Variants in ARHGAP27 observed in about 807,000 individuals in gnomAD.
ARHGAP27 encodes Rho GTPase activating protein 27.
In ARHGAP27, 53 loss-of-function variants were observed where a neutral mutation model predicts 102.0. The ratio of observed to expected loss-of-function variants is 0.52; its 90% CI spans 0.42 to 0.65. ARHGAP27 has a LOEUF of 0.65. Ranked by LOEUF, ARHGAP27 falls within the 30% of genes least tolerant of loss-of-function variation. The pLI, the probability that ARHGAP27 is intolerant of heterozygous loss-of-function variation, is 0.00. For synonymous variants in ARHGAP27, 525 were observed against 542.8 expected, an observed-to-expected ratio of 0.97 and a Z score of 0.46; for missense variants, 1,117 against 1,256.2, an observed-to-expected ratio of 0.89 and a Z score of 1.68.
chr17:45,432,218 G>A lies in ARHGAP27; in HGVS notation c.-153C>T, dbSNP rs1346321204. The A allele has an allele frequency of 6.2e-6, 1 of 160,630 alleles. No individual in the cohort carries two copies. Among genetic ancestry groups the A allele is most frequent in the Non-Finnish European group, 1.4e-5 (1 of 71,012 alleles). 10.0% of individuals were successfully genotyped at this position (160,630 alleles called of 1,614,324 possible). A position where few individuals can be genotyped will look rare whatever the true frequency, so the allele number is the denominator to read the frequency against. On this transcript the variant is annotated splice_region_variant and 5_prime_UTR_variant, in exon 2 of 20. Transcript: ENST00000685559. ...TCCGGGCCCACCTCTTCCCTCACCAGGGCCTTTCCCGGAGCAGCCCGGCCG... is the reference window on the plus strand; with the variant it reads ...TCCGGGCCCACCTCTTCCCTCACCAAGGCCTTTCCCGGAGCAGCCCGGCCG...
rs2144085447 is a variant in ARHGAP27, at chr17:45,395,131, A to C, written c.*325T>G. The C allele has an allele frequency of 2.5e-6, 1 of 404,544 alleles. No individual in the cohort carries two copies. Among genetic ancestry groups the C allele is most frequent in the South Asian group, 3.1e-5 (1 of 32,482 alleles). The allele number at this position is 404,544 out of a possible 1,614,324, so 25.1% of individuals were successfully genotyped here. On this transcript the variant is annotated 3_prime_UTR_variant, in exon 20 of 20. Coordinates refer to ENST00000685559, the MANE Select transcript of ARHGAP27 (RefSeq NM_001282290.2). ...CAAACTCCTCCTCCCAGCACCTACC[A>C]TTCCAGAAAACAAACTCTCACCCCC... is the stretch of plus-strand genomic sequence containing the variant.
At chr17:45,413,455 C>T (rs1489537872) in intron 4 of ARHGAP27, among the ~76,000 whole-genome samples, 1 of 152,130 alleles carries the variant, frequency 6.6e-6, no homozygotes, top group Non-Finnish European at 1.5e-5. Context: ...CGCTGAGCAG[C>T]TGCTTGAATT....
At position 45,394,036 on chromosome 17, in the gene ARHGAP27, G is replaced by A. The variant is rs981953365; in HGVS notation, c.*1420C>T. On this transcript the variant is annotated 3_prime_UTR_variant, in exon 20 of 20. Coordinates refer to ENST00000685559, the MANE Select transcript of ARHGAP27 (RefSeq NM_001282290.2). Reference sequence around the variant, plus strand: ...CCCTGTTGGCAATGGGGTGGGCTTGGGTCAGCCTCACCCATCAGACCACAA... The same window carrying A: ...CCCTGTTGGCAATGGGGTGGGCTTGAGTCAGCCTCACCCATCAGACCACAA... 2.0e-5 allele frequency: 3 copies of A among 152,608 alleles called. No homozygotes were observed. The highest frequency in any genetic ancestry group is 4.4e-5 in the Non-Finnish European group (3 of 68,048). The allele number at this position is 152,608 out of a possible 1,614,324, so 9.5% of individuals were successfully genotyped here.
At chr17:45,399,044 C>A (rs1382763643) in intron 12 of ARHGAP27, among the ~76,000 whole-genome samples, 2 of 152,174 alleles carry the variant, frequency 1.3e-5, no homozygotes, top group Non-Finnish European at 2.9e-5. Flanking sequence ...ATAGGACTGA[C>A]GCTCAAAGCC....
chr17:45,395,935 C>A (rs760056865), intron 18 of ARHGAP27, 48 bp downstream of exon 18: 1 of 1,567,242 alleles, frequency 6.4e-7, no homozygotes, highest in African/African-American at 1.3e-5. Context: ...TAAAGGGGTG[C>A]CCCGCCACGC....
At chr17:45,404,193 T>C in intron 9 of ARHGAP27, 76 bp downstream of exon 9, 4 of 1,609,824 alleles carry the variant, frequency 2.5e-6, no homozygotes, top group Non-Finnish European at 3.4e-6. Flanking sequence ...CCACTCTCTA[T>C]GGTCTGGGCC....
In ARHGAP27 at chr17:45,393,993, T is replaced by G. The variant is rs1447485801; in HGVS notation, c.*1463A>C. On this transcript the variant is annotated 3_prime_UTR_variant, in exon 20 of 20. Coordinates refer to ENST00000685559, the MANE Select transcript of ARHGAP27 (RefSeq NM_001282290.2). ...TTAGACATATGGTATGAGGCCCCTG[T>G]GTGTACTCTTGCCCTGGCCCTGTTG... 1.3e-5 allele frequency: 2 copies of G among 152,798 alleles called. No homozygotes were observed. The highest frequency in any genetic ancestry group is 1.3e-4 in the Admixed American group (2 of 15,312). The allele number at this position is 152,798 out of a possible 1,614,324, so 9.5% of individuals were successfully genotyped here.
chr17:45,412,962 CTTTTTTTT>C (rs36233058), intron 4 of ARHGAP27, among the ~76,000 whole-genome samples: 2 of 41,142 alleles, frequency 4.9e-5, no homozygotes, highest in Non-Finnish European at 4.3e-5. Context: ...TCAGTATAAT[CTTTTTTTT>C]TTTTTTTTTT....
chr17:45,412,962 CTTT>C (rs36233058), intron 4 of ARHGAP27, among the ~76,000 whole-genome samples: 1 of 41,140 alleles, frequency 2.4e-5, no homozygotes, highest in African/African-American at 9.7e-5. Context: ...TCAGTATAAT[CTTT>C]TTTTTTTTTT....
At chr17:45,426,904 T>A (rs942828954) in intron 4 of ARHGAP27, among the ~76,000 whole-genome samples, 3 of 152,092 alleles carry the variant, frequency 2.0e-5, no homozygotes, top group African/African-American at 7.2e-5. Context: ...CACATGACCT[T>A]CCTGTGCGTC....
chr17:45,429,854 GCAGGCTGGCAGGCCGGGCGC>G lies in ARHGAP27; in HGVS notation c.406_425del (p.Ala136ProfsTer138). 1 of 1,345,984 alleles carries G rather than the reference GCAGGCTGGCAGGCCGGGCGC, an allele frequency of 7.4e-7. No individual in the cohort carries two copies. The allele number at this position is 1,345,984 out of a possible 1,614,324, so 83.4% of individuals were successfully genotyped here. ...CGGGCGCCGCGGGCCGCAGGTACAG[GCAGGCTGGCAGGCCGGGCGC>G]CAGGCTGCTGCGCTGGGTCGCGGCG... On this transcript the variant is annotated frameshift_variant, in exon 4 of 20. Coordinates refer to ENST00000685559, the MANE Select transcript of ARHGAP27 (RefSeq NM_001282290.2). LOFTEE classifies it high-confidence loss of function.
At chr17:45,407,919 T>C (rs2047420881) in intron 4 of ARHGAP27, 1 of 152,244 alleles carries the variant, frequency 6.6e-6, no homozygotes, top group South Asian at 2.1e-4. Flanking sequence ...CAGAGGTCCC[T>C]TCTGAGCACT....
At chr17:45,410,073 C>A in intron 4 of ARHGAP27, 1 of 935,128 alleles carries the variant, frequency 1.1e-6, no homozygotes, top group East Asian at 2.9e-5. Flanking sequence ...CCAAGCTGAC[C>A]ACCTCTTGGA....
chr17:45,395,314 G>A lies in ARHGAP27; in HGVS notation c.*142C>T. 1.8e-6 allele frequency: 2 copies of A among 1,112,304 alleles called. No individual in the cohort carries two copies. The highest frequency in any genetic ancestry group is 2.5e-6 in the Non-Finnish European group (2 of 803,020). The allele number at this position is 1,112,304 out of a possible 1,614,324, so 68.9% of individuals were successfully genotyped here. Reference sequence around the variant, plus strand: ...CCCACTAGGGGTCACCGTACCCTCAGAACCGAGGGTGCAGAAGTCACACCG... The same window carrying A: ...CCCACTAGGGGTCACCGTACCCTCAAAACCGAGGGTGCAGAAGTCACACCG... On this transcript the variant is annotated 3_prime_UTR_variant, in exon 20 of 20. Transcript: ENST00000685559.
chr17:45,404,908 T>C lies in ARHGAP27; in HGVS notation c.1248+16A>G. The C allele has an allele frequency of 6.2e-7, 1 of 1,614,120 alleles. No individual in the cohort carries two copies. The highest frequency in any genetic ancestry group is 8.5e-7 in the Non-Finnish European group (1 of 1,179,992). ...GACTCTGAGGCTGTCCGGGTCCATC[T>C]GCCCCCTGCCCCTACCTGCTCCTGA... On this transcript the variant is annotated intron_variant, in intron 6 of 19. Transcript: ENST00000685559.
In ARHGAP27 at chr17:45,429,796, AGGCCAGGTCGTTCAGGGACTGCGCG is replaced by A; in HGVS notation, c.459_483del (p.Gln155ProfsTer10). On this transcript the variant is annotated frameshift_variant, in exon 4 of 20. Coordinates refer to ENST00000685559, the MANE Select transcript of ARHGAP27 (RefSeq NM_001282290.2). LOFTEE classifies it high-confidence loss of function. ...CCGGCGGGAGGCGAGACGGCGGCGC[AGGCCAGGTCGTTCAGGGACTGCGCG>A]GGCCGCACGGGCGCCGCGGGCCGCA... The A allele has an allele frequency of 6.6e-7, 1 of 1,515,898 alleles. No individual in the cohort carries two copies. The highest frequency in any genetic ancestry group is 1.4e-5 in the African/African-American group (1 of 70,462). The allele number at this position is 1,515,898 out of a possible 1,614,324, so 93.9% of individuals were successfully genotyped here. A position where few individuals can be genotyped will look rare whatever the true frequency, so the allele number is the denominator to read the frequency against.
intron 4 of ARHGAP27, among the ~76,000 whole-genome samples, chr17:45,424,458 G>A (rs531077427): frequency 1.3e-5 from 2 of 152,208 alleles, no homozygotes; most frequent in South Asian, 2.1e-4. Flanking sequence ...CATCAGCTAC[G>A]CCCTGGTCAC....
intron 4 of ARHGAP27, among the ~76,000 whole-genome samples, chr17:45,422,364 C>T (rs565256818): frequency 1.3e-5 from 2 of 152,078 alleles, no homozygotes; most frequent in African/African-American, 4.8e-5. Flanking sequence ...CTGCAGAGAG[C>T]CATGATCACA....
chr17:45,404,122 G>T (rs994917579), intron 9 of ARHGAP27, 26 bp from the exon 10 acceptor site: 15 of 1,613,590 alleles, frequency 9.3e-6, no homozygotes, highest in Non-Finnish European at 1.3e-5. Flanking sequence ...GAGAGCAGGC[G>T]CAAGAGTGTG....
Sources: gnomAD v4.1 joint callset for allele counts (sites outside exome capture counted in the v4.1 genomes callset) on GRCh38, gnomAD v4.1.1 for gene constraint, MANE v1.5 for transcripts, NCBI Gene and HGNC (gene_info 2026-07-23, HGNC 2026-07-21) for gene names.